Variants in ZNF106 observed in about 807,000 individuals in gnomAD.
The protein encoded by ZNF106 is SH3-domain binding protein 3.
ZNF106 carries 67 observed loss-of-function variants against 195.1 expected under a neutral mutation model. That is an observed-to-expected ratio of 0.34 (90% CI 0.28 to 0.42). ZNF106 has a LOEUF of 0.42. ZNF106 is among the 10% of genes least tolerant of loss of function. ZNF106 has a pLI of 1.00. For missense variants in ZNF106, 2,118 were observed against 2,304.5 expected, an observed-to-expected ratio of 0.92 and a Z score of 1.66; for synonymous variants, 784 against 818.6, an observed-to-expected ratio of 0.96 and a Z score of 0.72.
chr15:42,428,272 T>C, intron 14 of ZNF106, 138 bp from the exon 15 acceptor site: 1 of 599,460 alleles, frequency 1.7e-6, no homozygotes, highest in Admixed American at 2.8e-5. Context: ...TAGGGGACTA[T>C]CTTAGATCTG....
intron 14 of ZNF106, among the ~76,000 whole-genome samples, chr15:42,431,802 T>C (rs1175314270): frequency 3.3e-5 from 5 of 151,816 alleles, no homozygotes; most frequent in African/African-American, 7.3e-5. Context: ...TTAGTAGAGA[T>C]GTGGTTTCGC....
At chr15:42,434,336 C>A (rs1595447093) in intron 14 of ZNF106, among the ~76,000 whole-genome samples, 1 of 151,688 alleles carries the variant, frequency 6.6e-6, no homozygotes, top group Non-Finnish European at 1.5e-5. Context: ...AAACAAAAAA[C>A]AAACAAACAA....
chr15:42,474,276 T>C (rs934901483), intron 1 of ZNF106, among the ~76,000 whole-genome samples: 1 of 152,248 alleles, frequency 6.6e-6, no homozygotes, highest in African/African-American at 2.4e-5. Flanking sequence ...TCTCTGTCTC[T>C]GCCAATTAAA....
In ZNF106 at chr15:42,417,226, G is replaced by T; in HGVS notation, c.*78C>A. ...CTCCTTCCTTACTTCACCAAGAAAG[G>T]GAAGAGAGTGGCCTGTGTGGGGGGC... On this transcript the variant is annotated 3_prime_UTR_variant, in exon 22 of 22. Coordinates refer to ENST00000564754, the MANE Select transcript of ZNF106 (RefSeq NM_001366845.3). 1 of 1,500,990 alleles carries T rather than the reference G, an allele frequency of 6.7e-7. No homozygotes were observed. Among genetic ancestry groups the T allele is most frequent in the Non-Finnish European group, 9.2e-7 (1 of 1,081,260 alleles). The allele number at this position is 1,500,990 out of a possible 1,614,324, so 93.0% of individuals were successfully genotyped here. A position where few individuals can be genotyped will look rare whatever the true frequency, so the allele number is the denominator to read the frequency against.
chr15:42,430,009 G>C lies in ZNF106; in HGVS notation c.4882-1875C>G, dbSNP rs1458313471. Among the ~76,000 whole-genome samples, 2 of 152,052 alleles carry C rather than the reference G, an allele frequency of 1.3e-5. 1 individual carries two copies. The highest frequency in any genetic ancestry group is 4.8e-5 in the African/African-American group (2 of 41,300). On this transcript the variant is annotated intron_variant, in intron 14 of 21. Transcript: ENST00000564754. Reference sequence around the variant, plus strand: ...AGGGAGGCATTTGAGGGAAGCTTCAGGGCTATGAAATGGTCTACGTTTTGA... The same window carrying C: ...AGGGAGGCATTTGAGGGAAGCTTCACGGCTATGAAATGGTCTACGTTTTGA...
chr15:42,435,768 G>GT (rs1567004425), intron 13 of ZNF106, among the ~76,000 whole-genome samples: 1 of 152,142 alleles, frequency 6.6e-6, no homozygotes. Context: ...TGGCAACACT[G>GT]TAAGACAGCC....
intron 7 of ZNF106, 59 bp downstream of exon 7, chr15:42,446,530 C>G: frequency 1.4e-6 from 2 of 1,391,276 alleles, no homozygotes; most frequent in Non-Finnish European, 2.0e-6. Context: ...AAAACCCGCA[C>G]CCCCCAAAAA....
At chr15:42,418,064 A>G (rs897757683) in intron 20 of ZNF106, 113 bp from the exon 21 acceptor site, 1 of 1,136,646 alleles carries the variant, frequency 8.8e-7, no homozygotes, top group African/African-American at 1.6e-5. Context: ...CCAGCCCCTT[A>G]TTTCAAATTT....
At chr15:42,424,180 A>T in intron 16 of ZNF106, 120 bp from the exon 17 acceptor site, 1 of 789,876 alleles carries the variant, frequency 1.3e-6, no homozygotes, top group Non-Finnish European at 2.0e-6. Flanking sequence ...ACGATGAACT[A>T]GGTATAAAAG....
chr15:42,478,486 A>G (rs914281419), intron 1 of ZNF106, among the ~76,000 whole-genome samples: 10 of 147,492 alleles, frequency 6.8e-5, no homozygotes, highest in Non-Finnish European at 4.5e-5. Flanking sequence ...TATGGAAGCC[A>G]TATTTTATTC....
At chr15:42,481,460 C>T (rs1390842994) in intron 1 of ZNF106, among the ~76,000 whole-genome samples, 5 of 149,714 alleles carry the variant, frequency 3.3e-5, no homozygotes, top group African/African-American at 4.9e-5. Context: ...TGGGTTCAAG[C>T]GATTCTCCCG....
Position 42,448,619 on chromosome 15 carries a change from C to T in ZNF106, c.2588G>A (p.Gly863Glu), listed in dbSNP as rs764033455. The change falls in exon 6 of 22, where the codon GGA becomes GAA. Residue 863 changes from glycine to glutamate, a missense_variant. Physicochemically the swap from Gly to Glu is moderately conservative, Grantham distance 98. Transcript: ENST00000564754. ...AATGGAAACACCTTCCCACTGGAAT[C>T]CTTCTAGACTGGACAGATCAGGTTC... ...DGEPDLSSLE[G>E]FQWEGVSISS... 1 of 1,614,022 alleles carries T rather than the reference C, an allele frequency of 6.2e-7. No individual in the cohort carries two copies. The highest frequency in any genetic ancestry group is 8.5e-7 in the Non-Finnish European group (1 of 1,180,026).
At chr15:42,490,666 C>T (rs1042340168) in intron 1 of ZNF106, among the ~76,000 whole-genome samples, 9 of 152,192 alleles carry the variant, frequency 5.9e-5, no homozygotes, top group African/African-American at 2.2e-4. Flanking sequence ...TCTTTGGACT[C>T]CCTGCCCAAC....
intron 20 of ZNF106, among the ~76,000 whole-genome samples, chr15:42,420,017 C>T (rs2054601875): frequency 6.6e-6 from 1 of 152,144 alleles, no homozygotes; most frequent in Non-Finnish European, 1.5e-5. Context: ...CTACTCCATC[C>T]TTCTCTCTAT....
intron 4 of ZNF106, among the ~76,000 whole-genome samples, chr15:42,455,364 T>G (rs1567021354): frequency 6.6e-6 from 1 of 152,224 alleles, no homozygotes; most frequent in Admixed American, 6.5e-5. Context: ...ATGATAATTT[T>G]AGGTAATATT....
At chr15:42,475,759 G>A (rs2056772027) in intron 1 of ZNF106, among the ~76,000 whole-genome samples, 1 of 152,114 alleles carries the variant, frequency 6.6e-6, no homozygotes, top group African/African-American at 2.4e-5. Flanking sequence ...CTATTCTAAG[G>A]GTTGGAGAAA....
chr15:42,484,649 A>C (rs2056970087), intron 1 of ZNF106, among the ~76,000 whole-genome samples: 2 of 152,186 alleles, frequency 1.3e-5, no homozygotes, highest in African/African-American at 2.4e-5. Context: ...TACGCACGAG[A>C]ATTGCTTGAA....
intron 14 of ZNF106, among the ~76,000 whole-genome samples, chr15:42,432,575 T>C (rs2055090941): frequency 6.6e-6 from 1 of 152,170 alleles, no homozygotes; most frequent in Non-Finnish European, 1.5e-5. Context: ...TCTTTACATT[T>C]AAAGTATGTC....
rs1397785642 is a variant in ZNF106 at position 42,413,558 on chromosome 15, A to T, written c.*3746T>A. On this transcript the variant is annotated 3_prime_UTR_variant, in exon 22 of 22. Coordinates refer to ENST00000564754, the MANE Select transcript of ZNF106 (RefSeq NM_001366845.3). ...TGAATTCTCTTCCATAAAATAAACC[A>T]TTCCACTAAGTATATACCTACTCCC... 1 of 152,626 alleles carries T rather than the reference A, an allele frequency of 6.6e-6. No homozygotes were observed. Among genetic ancestry groups the T allele is most frequent in the Non-Finnish European group, 1.5e-5 (1 of 68,038 alleles). The allele number at this position is 152,626 out of a possible 1,614,324, so 9.5% of individuals were successfully genotyped here.
Sources: allele counts gnomAD v4.1 joint callset (sites outside exome capture counted in the v4.1 genomes callset), GRCh38; gene constraint gnomAD v4.1.1; transcripts MANE v1.5; gene names NCBI Gene and HGNC (gene_info 2026-07-23, HGNC 2026-07-21).